Variants in RCOR1 observed in about 807,000 individuals in gnomAD.
RCOR1 encodes REST corepressor 1.
Under a neutral mutation model 64.0 loss-of-function variants are expected in RCOR1, and 12 were observed. That is an observed-to-expected ratio of 0.19 (90% CI 0.12 to 0.30). The LOEUF is 0.30. Among genes scored for constraint, RCOR1 ranks in the 10% least tolerant of loss-of-function variants. The pLI, the probability that RCOR1 is intolerant of heterozygous loss-of-function variation, is 1.00. For missense variants in RCOR1, 502 were observed against 621.2 expected, an observed-to-expected ratio of 0.81 and a Z score of 2.04; for synonymous variants, 279 against 227.2, an observed-to-expected ratio of 1.23 and a Z score of -2.05.
rs140224873 is a variant in RCOR1, at chr14:102,687,520, C to T, written c.445+5542C>T. On this transcript the variant is annotated intron_variant, in intron 3 of 11. Coordinates refer to ENST00000262241, the MANE Select transcript of RCOR1 (RefSeq NM_015156.4). ...ATGGGATATGCCTAGAAAATGTGGC[C>T]TGTAGAGAGACATTTCATGTTGAGG... is the stretch of plus-strand genomic sequence containing the variant. Among the ~76,000 whole-genome samples the T allele has an allele frequency of 3.5e-3, 533 of 152,206 alleles. 3 individuals carry two copies. The highest frequency in any genetic ancestry group is 0.012 in the African/African-American group (495 of 41,518).
Position 102,593,132 on chromosome 14 carries a change from C to A in RCOR1, c.246C>A (p.Ser82Arg). 6.6e-7 allele frequency: 1 copy of A among 1,524,776 alleles called. No individual in the cohort carries two copies. The highest frequency in any genetic ancestry group is 1.2e-5 in the South Asian group (1 of 81,258). The allele number at this position is 1,524,776 out of a possible 1,614,324, so 94.5% of individuals were successfully genotyped here. ...SLAAAAPNGN[S>R]SSNSWEEGSS... The stretch of plus-strand genomic sequence containing the variant: ...CGGCGGCGGCGCCCAATGGCAACAG[C>A]AGCAGCAACTCCTGGGAGGAAGGCA... Residue 82 changes from serine to arginine, a missense_variant, in exon 1 of 12, where the codon AGC (serine) becomes AGA (arginine). This residue lies in a region of RCOR1 where 242 missense variants were observed against 204.9 expected (regional missense o/e 1.18). Coordinates refer to ENST00000262241, the MANE Select transcript of RCOR1 (RefSeq NM_015156.4).
chr14:102,646,262 T>A (rs558065681), intron 2 of RCOR1, among the ~76,000 whole-genome samples: 2 of 152,304 alleles, frequency 1.3e-5, no homozygotes, highest in East Asian at 3.9e-4. Context: ...TATGTGACAT[T>A]AAAACTTACT....
intron 2 of RCOR1, among the ~76,000 whole-genome samples, chr14:102,599,599 T>C (rs1235387176): frequency 6.6e-6 from 1 of 152,200 alleles, no homozygotes; most frequent in Non-Finnish European, 1.5e-5. Context: ...TGAAAATTTG[T>C]GGTTGTCATT....
chr14:102,682,366 G>GTGA (rs1160581039), intron 3 of RCOR1, among the ~76,000 whole-genome samples: 5 of 152,178 alleles, frequency 3.3e-5, no homozygotes, highest in African/African-American at 1.2e-4. Context: ...CTGACTTCAG[G>GTGA]TGATCCGCCT....
In RCOR1 at chr14:102,631,695, A is replaced by C. The variant is rs113655633; in HGVS notation, c.361+38370A>C. On this transcript the variant is annotated intron_variant, in intron 2 of 11. Coordinates refer to ENST00000262241, the MANE Select transcript of RCOR1 (RefSeq NM_015156.4). The stretch of plus-strand genomic sequence containing the variant: ...TTTCCTGCAGTTCTCCTAATGTGAA[A>C]ATGTGACTGCATTGAGTATGCATGT... Among the ~76,000 whole-genome samples, 1,017 of 152,248 alleles carry C rather than the reference A, an allele frequency of 6.7e-3. 17 individuals are homozygous for C. The highest frequency in any genetic ancestry group is 0.024 in the African/African-American group (981 of 41,522).
At chr14:102,624,187 C>T (rs777916186) in intron 2 of RCOR1, among the ~76,000 whole-genome samples, 7 of 147,106 alleles carry the variant, frequency 4.8e-5, no homozygotes, top group Non-Finnish European at 9.0e-5. Context: ...CAGAGGGAGA[C>T]TCCGTCTCAC....
intron 2 of RCOR1, chr14:102,662,467 C>A: frequency 1.9e-6 from 1 of 538,850 alleles, no homozygotes; most frequent in Non-Finnish European, 3.6e-6. Context: ...ACTCAGTGGT[C>A]AGCGGCAACT....
intron 2 of RCOR1, among the ~76,000 whole-genome samples, chr14:102,654,221 A>G (rs1206397926): frequency 2.6e-5 from 4 of 151,814 alleles, no homozygotes; most frequent in Non-Finnish European, 4.4e-5. Context: ...TCCTGACCTC[A>G]GGTGATCTGC....
chr14:102,664,300 A>G (rs1269356154), intron 2 of RCOR1, among the ~76,000 whole-genome samples: 1 of 151,756 alleles, frequency 6.6e-6, no homozygotes, highest in Non-Finnish European at 1.5e-5. Flanking sequence ...TTTTTAGTAG[A>G]GCCAGGTTTT....
At chr14:102,643,948 T>C (rs1251180335) in intron 2 of RCOR1, among the ~76,000 whole-genome samples, 4 of 152,244 alleles carry the variant, frequency 2.6e-5, no homozygotes, top group African/African-American at 9.6e-5. Context: ...ATTCCAGTTA[T>C]TACCGCCTAA....
chr14:102,708,047 G>A (rs1193047257), intron 5 of RCOR1, among the ~76,000 whole-genome samples: 1 of 146,716 alleles, frequency 6.8e-6, no homozygotes, highest in East Asian at 2.0e-4. Flanking sequence ...CTCACTGAAA[G>A]CTCCGCCTCC....
intron 2 of RCOR1, among the ~76,000 whole-genome samples, chr14:102,634,601 CGTGT>C (rs1555463064): frequency 6.6e-6 from 1 of 150,724 alleles, no homozygotes; most frequent in Non-Finnish European, 1.5e-5. Flanking sequence ...GTTTATATTA[CGTGT>C]GTGTGTGTAT....
intron 2 of RCOR1, among the ~76,000 whole-genome samples, chr14:102,597,609 G>A (rs868303337): frequency 6.0e-5 from 9 of 148,852 alleles, no homozygotes; most frequent in South Asian, 2.1e-4. Context: ...GATTTCAGGC[G>A]TGAGCCACTG....
chr14:102,595,618 C>T (rs1432922452), intron 2 of RCOR1, among the ~76,000 whole-genome samples: 1 of 151,488 alleles, frequency 6.6e-6, no homozygotes, highest in Non-Finnish European at 1.5e-5. Flanking sequence ...TGCTCTGTCC[C>T]TCAGGCTGGA....
At chr14:102,723,866 G>T (rs936267682) in intron 11 of RCOR1, among the ~76,000 whole-genome samples, 2 of 152,084 alleles carry the variant, frequency 1.3e-5, no homozygotes, top group Non-Finnish European at 2.9e-5. Context: ...TTCCCTCTTC[G>T]CATTTGATCA....
intron 7 of RCOR1, among the ~76,000 whole-genome samples, chr14:102,713,408 A>G (rs1896000856): frequency 6.6e-6 from 1 of 151,708 alleles, no homozygotes; most frequent in South Asian, 2.1e-4. Flanking sequence ...TCAGCCTCCC[A>G]AGTAGCTGGG....
chr14:102,600,854 G>A (rs1214472543), intron 2 of RCOR1, among the ~76,000 whole-genome samples: 1 of 150,928 alleles, frequency 6.6e-6, no homozygotes, highest in African/African-American at 2.4e-5. Context: ...ACAGGCGTGA[G>A]CCACCGCGCC....
chr14:102,606,496 A>T (rs965282436), intron 2 of RCOR1, among the ~76,000 whole-genome samples: 1 of 152,162 alleles, frequency 6.6e-6, no homozygotes. Flanking sequence ...GGAGGAAGAG[A>T]AGAGTAGGTG....
chr14:102,639,055 C>T (rs952569406), intron 2 of RCOR1, among the ~76,000 whole-genome samples: 1 of 152,144 alleles, frequency 6.6e-6, no homozygotes, highest in African/African-American at 2.4e-5. Flanking sequence ...ATGACTGTAT[C>T]CATGGGAACA....
Sources: allele counts gnomAD v4.1 joint callset (sites outside exome capture counted in the v4.1 genomes callset), GRCh38; gene constraint gnomAD v4.1.1; regional missense constraint gnomAD v4.1.1; transcripts MANE v1.5; gene names NCBI Gene and HGNC (gene_info 2026-07-23, HGNC 2026-07-21).